Variants in REDIC1 observed in about 807,000 individuals in gnomAD.
REDIC1 encodes HEI10 Interacting Protein 1.
the REDIC1 span, among the ~76,000 whole-genome samples, chr12:39,839,414 G>C: frequency 6.6e-6 from 1 of 152,124 alleles, no homozygotes. Flanking sequence ...AAGTTTAAAA[G>C]GCTAGGGGCC....
At chr12:39,826,486 T>C in the REDIC1 span, among the ~76,000 whole-genome samples, 4 of 151,274 alleles carry the variant, frequency 2.6e-5, no homozygotes, top group African/African-American at 9.7e-5. Context: ...TCTCTTACTA[T>C]ACTTTGAGTC....
the REDIC1 span, among the ~76,000 whole-genome samples, chr12:39,641,965 G>A: frequency 3.8e-3 from 570 of 151,670 alleles, 3 homozygotes; most frequent in African/African-American, 0.013. Flanking sequence ...ATTTTATTAC[G>A]TTGTCATCTC....
the REDIC1 span, among the ~76,000 whole-genome samples, chr12:39,725,984 T>G: frequency 2.0e-5 from 3 of 152,130 alleles, no homozygotes; most frequent in Non-Finnish European, 2.9e-5. Context: ...TCAGCCAGTG[T>G]GATACTTGCA....
chr12:39,750,116 G>A, the REDIC1 span, among the ~76,000 whole-genome samples: 8 of 152,178 alleles, frequency 5.3e-5, no homozygotes, highest in South Asian at 4.1e-4. Context: ...TAGGAAAAGA[G>A]GAAGTCAAAT....
chr12:39,714,230 T>C, the REDIC1 span, among the ~76,000 whole-genome samples: 755 of 142,664 alleles, frequency 5.3e-3, 51 homozygotes, highest in African/African-American at 0.019. Context: ...TATGCATGCA[T>C]ATATGTATAT....
At chr12:39,668,831 TC>T in the REDIC1 span, among the ~76,000 whole-genome samples, 1,643 of 152,312 alleles carry the variant, frequency 0.011, 23 homozygotes, top group African/African-American at 0.037. Flanking sequence ...CACCGTTTTT[TC>T]CAGTTGATCG....
the REDIC1 span, among the ~76,000 whole-genome samples, chr12:39,670,328 C>T: frequency 6.6e-6 from 1 of 152,144 alleles, no homozygotes; most frequent in Non-Finnish European, 1.5e-5. Flanking sequence ...ATAACTGGGA[C>T]TACAGGTGCA....
chr12:39,687,716 T>C, the REDIC1 span, among the ~76,000 whole-genome samples: 1 of 152,232 alleles, frequency 6.6e-6, no homozygotes, highest in African/African-American at 2.4e-5. Context: ...GAAAATGCTT[T>C]AGGTTTCAAT....
chr12:39,838,840 C>A, the REDIC1 span, among the ~76,000 whole-genome samples: 1 of 152,010 alleles, frequency 6.6e-6, no homozygotes, highest in Non-Finnish European at 1.5e-5. Context: ...CTCTGCAAAA[C>A]GGTCCATTTG....
At chr12:39,680,341 G>A in the REDIC1 span, among the ~76,000 whole-genome samples, 1 of 152,014 alleles carries the variant, frequency 6.6e-6, no homozygotes, top group Non-Finnish European at 1.5e-5. Context: ...ATTTGCAAAA[G>A]AAGATAATAC....
At chr12:39,873,491 G>A in the REDIC1 span, among the ~76,000 whole-genome samples, 1 of 152,052 alleles carries the variant, frequency 6.6e-6, no homozygotes, top group African/African-American at 2.4e-5. Context: ...AATCTAAAAA[G>A]GCAGAAAACA....
the REDIC1 span, among the ~76,000 whole-genome samples, chr12:39,634,014 C>T: frequency 1.3e-5 from 2 of 152,252 alleles, no homozygotes; most frequent in South Asian, 4.1e-4. Context: ...GTATAAATTA[C>T]TTTGGGCAGT....
chr12:39,841,762 C>T, the REDIC1 span, among the ~76,000 whole-genome samples: 1 of 151,912 alleles, frequency 6.6e-6, no homozygotes, highest in Admixed American at 6.6e-5. Flanking sequence ...CTAATCTTCT[C>T]TGGTGACAAT....
the REDIC1 span, among the ~76,000 whole-genome samples, chr12:39,774,182 G>T: frequency 6.6e-6 from 1 of 152,176 alleles, no homozygotes; most frequent in Non-Finnish European, 1.5e-5. Context: ...AAAGCACAGA[G>T]TATCTCTCCA....
chr12:39,650,186 T>C, the REDIC1 span: 1 of 1,379,580 alleles, frequency 7.2e-7, no homozygotes, highest in Non-Finnish European at 9.5e-7. This position sits in a 1 kb window ranked among gnomAD's most constrained non-coding sequence, Gnocchi z 4.3. Context: ...TAATTTAAAT[T>C]GTATATATGT....
At chr12:39,689,847 T>C in the REDIC1 span, among the ~76,000 whole-genome samples, 2 of 152,198 alleles carry the variant, frequency 1.3e-5, no homozygotes, top group Non-Finnish European at 2.9e-5. Context: ...TCAACAGAAT[T>C]TAATACTTCA....
chr12:39,797,727 AACAC>A, the REDIC1 span, among the ~76,000 whole-genome samples: 126 of 84,056 alleles, frequency 1.5e-3, no homozygotes, highest in African/African-American at 3.7e-3. Context: ...AGTTATGGTA[AACAC>A]ACACACACAC....
the REDIC1 span, among the ~76,000 whole-genome samples, chr12:39,807,192 A>G: frequency 6.6e-6 from 1 of 152,224 alleles, no homozygotes; most frequent in Non-Finnish European, 1.5e-5. Flanking sequence ...TGAGGAGTTA[A>G]GGACAGGGCC....
chr12:39,643,976 C>T, the REDIC1 span: 1 of 1,273,206 alleles, frequency 7.9e-7, no homozygotes, highest in East Asian at 2.7e-5. Context: ...AATGTTTAGT[C>T]TTCTAATTAG....
Sources: gnomAD v4.1 joint callset for allele counts (sites outside exome capture counted in the v4.1 genomes callset) on GRCh38, gnomAD v4.1.1 for gene constraint, Gnocchi (gnomAD v3.1) non-coding constraint, MANE v1.5 for transcripts, NCBI Gene and HGNC (gene_info 2026-07-23, HGNC 2026-07-21) for gene names.